MAP3K20: variants seen among roughly 807,000 people sequenced by gnomAD.
The protein encoded by MAP3K20 is mitogen-activated protein kinase kinase kinase 20.
MAP3K20 carries 40 observed loss-of-function variants against 85.7 expected under a neutral mutation model. The ratio of observed to expected loss-of-function variants is 0.47; its 90% CI spans 0.36 to 0.61. The LOEUF (loss-of-function observed/expected upper bound fraction) is 0.61. MAP3K20 is among the 20% of genes least tolerant of loss of function. The pLI is 0.00. For synonymous variants in MAP3K20, 325 were observed against 327.7 expected, an observed-to-expected ratio of 0.99 and a Z score of 0.09; for missense variants, 817 against 961.7, an observed-to-expected ratio of 0.85 and a Z score of 1.99.
At chr2:173,088,973 G>A (rs1056010272) in intron 1 of MAP3K20, among the ~76,000 whole-genome samples, 5 of 151,712 alleles carry the variant, frequency 3.3e-5, no homozygotes, top group South Asian at 2.1e-4. Context: ...CCTCTTTCTC[G>A]CCTTCTCCCC....
chr2:173,225,953 A>G (rs1684376283), intron 11 of MAP3K20: 1 of 985,002 alleles, frequency 1.0e-6, no homozygotes, highest in South Asian at 4.7e-5. Flanking sequence ...CTACAGTTCT[A>G]TAGGTTAATT....
chr2:173,168,659 T>C (rs1282545406), intron 2 of MAP3K20, among the ~76,000 whole-genome samples: 1 of 152,172 alleles, frequency 6.6e-6, no homozygotes, highest in East Asian at 1.9e-4. Flanking sequence ...GACTTATAAA[T>C]CTCCAGTCTA....
chr2:173,152,386 G>A (rs1186598419), intron 2 of MAP3K20, among the ~76,000 whole-genome samples: 1 of 152,178 alleles, frequency 6.6e-6, no homozygotes, highest in African/African-American at 2.4e-5. Flanking sequence ...CATGGGAAGA[G>A]TTCTACCTGG....
chr2:173,174,382 G>A (rs1343640616), intron 3 of MAP3K20, among the ~76,000 whole-genome samples: 3 of 152,030 alleles, frequency 2.0e-5, no homozygotes, highest in Non-Finnish European at 4.4e-5. Flanking sequence ...GACAGGCCCT[G>A]GTGTGTGATG....
chr2:173,239,623 T>C, intron 16 of MAP3K20, 127 bp downstream of exon 16: 1 of 804,174 alleles, frequency 1.2e-6, no homozygotes, highest in Non-Finnish European at 1.9e-6. Context: ...TTATAGACTT[T>C]ATAAAATAGA....
intron 2 of MAP3K20, among the ~76,000 whole-genome samples, chr2:173,105,290 G>A (rs1424627203): frequency 1.3e-5 from 2 of 152,110 alleles, no homozygotes; most frequent in African/African-American, 4.8e-5. Flanking sequence ...TTGAATTTGG[G>A]GTAGAGTTAA....
intron 18 of MAP3K20, among the ~76,000 whole-genome samples, chr2:173,262,715 A>G (rs921669410): frequency 2.0e-5 from 3 of 152,212 alleles, no homozygotes; most frequent in Non-Finnish European, 4.4e-5. Flanking sequence ...TGGGGTGCAC[A>G]GGTTGTCAGG....
In MAP3K20 at chr2:173,230,686, T is replaced by C. The variant is rs145764809; in HGVS notation, c.1032+953T>C. Among the ~76,000 whole-genome samples the C allele has an allele frequency of 2.6e-5, 4 of 152,232 alleles. 1 individual carries two copies. The highest frequency in any genetic ancestry group is 9.6e-5 in the African/African-American group (4 of 41,534). On this transcript the variant is annotated intron_variant, in intron 12 of 19. Transcript: ENST00000375213. ...TCTATTTTTTTAGTGACAAAACAGG[T>C]ATGAAAATTCCTGATGTGAAAACTC...
intron 5 of MAP3K20, 87 bp downstream of exon 5, chr2:173,187,710 C>A: frequency 8.4e-7 from 1 of 1,185,646 alleles, no homozygotes; most frequent in Non-Finnish European, 1.2e-6. Flanking sequence ...TTTTACATAT[C>A]TTTTGTAACC....
intron 19 of MAP3K20, among the ~76,000 whole-genome samples, chr2:173,265,783 A>T (rs1479805763): frequency 6.6e-6 from 1 of 152,238 alleles, no homozygotes; most frequent in African/African-American, 2.4e-5. Context: ...TTACCTAAGA[A>T]GATTACTGAG....
intron 16 of MAP3K20, among the ~76,000 whole-genome samples, chr2:173,254,548 T>A (rs1451181098): frequency 1.3e-5 from 2 of 152,150 alleles, no homozygotes; most frequent in Non-Finnish European, 2.9e-5. Context: ...ATTAGGCTCA[T>A]AAACTTGTGG....
At chr2:173,258,584 A>G in intron 16 of MAP3K20, 115 bp from the exon 17 acceptor site, 2 of 612,440 alleles carry the variant, frequency 3.3e-6, no homozygotes, top group East Asian at 5.6e-5. Flanking sequence ...AGGAAAAAAA[A>G]AAAAGCCACT....
chr2:173,230,301 A>G (rs1043501710), intron 12 of MAP3K20, among the ~76,000 whole-genome samples: 1 of 152,170 alleles, frequency 6.6e-6, no homozygotes, highest in African/African-American at 2.4e-5. Flanking sequence ...TCGGGAAAAC[A>G]AATGAACATA....
chr2:173,248,546 G>C (rs901075120), intron 16 of MAP3K20, among the ~76,000 whole-genome samples: 2 of 152,218 alleles, frequency 1.3e-5, no homozygotes, highest in Admixed American at 1.3e-4. Context: ...AAATGGGTTG[G>C]ACAGCCACCT....
At chr2:173,076,271 G>C (rs1285087070) in intron 1 of MAP3K20, among the ~76,000 whole-genome samples, 4 of 151,938 alleles carry the variant, frequency 2.6e-5, no homozygotes, top group Admixed American at 2.6e-4. Flanking sequence ...AGTGCGGTTC[G>C]GGAGAGTTCG....
chr2:173,210,064 T>C, intron 10 of MAP3K20: 1 of 511,408 alleles, frequency 2.0e-6, no homozygotes, highest in South Asian at 2.2e-5. Flanking sequence ...TTGAAAAGAA[T>C]ATTGAGGCCG....
intron 16 of MAP3K20, among the ~76,000 whole-genome samples, chr2:173,258,495 C>T (rs950921426): frequency 2.0e-5 from 3 of 149,480 alleles, no homozygotes; most frequent in Admixed American, 1.3e-4. Context: ...AACACTGATA[C>T]ATTATGTCTC....
chr2:173,081,665 C>T (rs557596128), intron 1 of MAP3K20, among the ~76,000 whole-genome samples: 3 of 152,270 alleles, frequency 2.0e-5, no homozygotes, highest in East Asian at 1.9e-4. Flanking sequence ...TGGAATGTGG[C>T]TCTTAGCTTC....
chr2:173,229,174 T>A (rs935159432), intron 11 of MAP3K20, among the ~76,000 whole-genome samples: 6 of 152,248 alleles, frequency 3.9e-5, no homozygotes, highest in African/African-American at 1.4e-4. Flanking sequence ...CTTAGGACCG[T>A]ACCAATTTCC....
Sources: gnomAD v4.1 joint callset for allele counts (sites outside exome capture counted in the v4.1 genomes callset) on GRCh38, gnomAD v4.1.1 for gene constraint, MANE v1.5 for transcripts, NCBI Gene and HGNC (gene_info 2026-07-23, HGNC 2026-07-21) for gene names.